CAST: variants seen among roughly 807,000 people sequenced by gnomAD.
CAST encodes the protein MIR583 host.
In CAST, 76 loss-of-function variants were observed where a neutral mutation model predicts 119.6. The ratio of observed to expected loss-of-function variants is 0.64; its 90% CI spans 0.53 to 0.77. The LOEUF is 0.77. Ranked by LOEUF, CAST falls within the 30% of genes least tolerant of loss-of-function variation. The pLI is 0.00. For synonymous variants in CAST, 319 were observed against 331.6 expected (o/e 0.96, Z 0.41); for missense variants, 953 against 946.5 (o/e 1.01, Z -0.09).
At chr5:96,307,416 C>CTTTTAAT in the CAST span, among the ~76,000 whole-genome samples, 3 of 152,302 alleles carry the variant, frequency 2.0e-5, no homozygotes, top group African/African-American at 7.2e-5. Context: ...GTTTGCTCAT[C>CTTTTAAT]TGTGTCTTTT....
At chr5:96,406,562 G>A in the CAST span, among the ~76,000 whole-genome samples, 1 of 152,090 alleles carries the variant, frequency 6.6e-6, no homozygotes, top group African/African-American at 2.4e-5. Context: ...TCTCACAGCC[G>A]AGATACCCAG....
At chr5:96,519,892 C>T in the CAST span, among the ~76,000 whole-genome samples, 2 of 152,192 alleles carry the variant, frequency 1.3e-5, no homozygotes, top group South Asian at 4.1e-4. Flanking sequence ...CAGGCATGAG[C>T]CACTGCACCT....
chr5:96,642,365 CTT>C lies in CAST; in HGVS notation c.61-33172_61-33171del, dbSNP rs1268202754. 2.6e-5 allele frequency among the ~76,000 whole-genome samples: 4 copies of C among 152,248 alleles called. No individual in the cohort carries two copies. The East Asian group carries it at 7.7e-4, about 29-fold the overall frequency. On this transcript the variant is annotated intron_variant, in intron 1 of 11. Coordinates refer to the CAST transcript ENST00000505143. ...CATTATTGGGTCTTTCCAGGCTAAA[CTT>C]TCTTCTTCCAAGAAGAAATAGCCTG...
intron 1 of CAST, among the ~76,000 whole-genome samples, chr5:96,622,857 CTTT>C (rs5869727): frequency 3.1e-5 from 2 of 64,476 alleles, no homozygotes; most frequent in African/African-American, 1.4e-4. Context: ...TTATGGGACT[CTTT>C]TTTTTTTTTT....
the CAST span, chr5:96,399,107 T>C: frequency 8.1e-3 from 9,057 of 1,112,454 alleles, 538 homozygotes; most frequent in African/African-American, 0.12. Flanking sequence ...CATATCTGCA[T>C]GCATCAATCT....
At chr5:96,593,631 A>G (rs261220) in intron 1 of CAST, among the ~76,000 whole-genome samples, 64,801 of 152,064 alleles carry the variant, frequency 0.43, 14,036 homozygotes, top group Admixed American at 0.48. Flanking sequence ...TGTAAAATGT[A>G]TATATGAAAT....
chr5:96,406,470 C>G, the CAST span, among the ~76,000 whole-genome samples: 1 of 152,210 alleles, frequency 6.6e-6, no homozygotes, highest in Non-Finnish European at 1.5e-5. Flanking sequence ...TCTTCCCTTA[C>G]CAAACATCTT....
chr5:96,563,887 C>T (rs1446193358), intron 1 of CAST, among the ~76,000 whole-genome samples: 1 of 152,168 alleles, frequency 6.6e-6, no homozygotes, highest in East Asian at 1.9e-4. Flanking sequence ...GCAAGTGTTT[C>T]CTTGCCTTTT....
chr5:96,194,625 A>G, the CAST span, among the ~76,000 whole-genome samples: 2 of 152,218 alleles, frequency 1.3e-5, no homozygotes, highest in Admixed American at 6.5e-5. Flanking sequence ...TTATCCTTAT[A>G]GTTTCATTTT....
intron 1 of CAST, among the ~76,000 whole-genome samples, chr5:96,643,871 C>T (rs2150203792): frequency 6.6e-6 from 1 of 151,698 alleles, no homozygotes; most frequent in Non-Finnish European, 1.5e-5. Context: ...GACTTCATCT[C>T]AAAAAAATAA....
the CAST span, among the ~76,000 whole-genome samples, chr5:96,157,962 A>T: frequency 0.013 from 2,048 of 152,302 alleles, 43 homozygotes; most frequent in African/African-American, 0.046. Flanking sequence ...TCCGTGTATG[A>T]TCTTTATTCT....
chr5:96,260,161 A>T, the CAST span, among the ~76,000 whole-genome samples: 9 of 152,270 alleles, frequency 5.9e-5, no homozygotes, highest in East Asian at 1.9e-4. Flanking sequence ...AAACCAGATT[A>T]AAAAAACAAC....
chr5:96,041,645 T>A, the CAST span, among the ~76,000 whole-genome samples: 1 of 152,018 alleles, frequency 6.6e-6, no homozygotes, highest in East Asian at 1.9e-4. Flanking sequence ...TAGGAGAAAT[T>A]GAGTGAAGGA....
At chr5:96,030,553 C>CAGCA in the CAST span, among the ~76,000 whole-genome samples, 1 of 152,126 alleles carries the variant, frequency 6.6e-6, no homozygotes, top group Non-Finnish European at 1.5e-5. Context: ...TAAGTATGGA[C>CAGCA]AGCAAGCAAG....
chr5:96,506,536 A>G, the CAST span, among the ~76,000 whole-genome samples: 1 of 152,206 alleles, frequency 6.6e-6, no homozygotes, highest in African/African-American at 2.4e-5. Flanking sequence ...GAACTGTCTC[A>G]CTATCAAGGG....
chr5:95,991,327 G>T, the CAST span, among the ~76,000 whole-genome samples: 2 of 152,010 alleles, frequency 1.3e-5, no homozygotes, highest in East Asian at 1.9e-4. Flanking sequence ...CTTTAAGATT[G>T]CAGGTTGGCT....
chr5:96,491,240 C>T, the CAST span, among the ~76,000 whole-genome samples: 2 of 151,774 alleles, frequency 1.3e-5, no homozygotes, highest in South Asian at 4.2e-4. Context: ...AATCCCAGCA[C>T]TTTGGGAGGC....
At chr5:96,059,072 T>C in the CAST span, among the ~76,000 whole-genome samples, 98 of 150,692 alleles carry the variant, frequency 6.5e-4, no homozygotes, top group Non-Finnish European at 1.3e-3. Context: ...AAGTAGCCCC[T>C]TTTTTTTTGT....
the CAST span, among the ~76,000 whole-genome samples, chr5:96,195,513 T>C: frequency 6.6e-6 from 1 of 152,226 alleles, no homozygotes; most frequent in African/African-American, 2.4e-5. Context: ...GATGACAGAT[T>C]CTATAAAATT....
Sources: gnomAD v4.1 joint callset for allele counts (sites outside exome capture counted in the v4.1 genomes callset) on GRCh38, gnomAD v4.1.1 for gene constraint, MANE v1.5 for transcripts, NCBI Gene and HGNC (gene_info 2026-07-23, HGNC 2026-07-21) for gene names.